The following MACROD2 variants were observed in gnomAD, a reference collection of about 807,000 sequenced individuals.
MACROD2 encodes ADP-ribose glycohydrolase MACROD2.
A neutral mutation model predicts 70.4 loss-of-function variants in MACROD2; 36 were observed. The ratio of observed to expected loss-of-function variants is 0.51; its 90% CI spans 0.39 to 0.68. The LOEUF (loss-of-function observed/expected upper bound fraction) is 0.68, where lower values mean the gene tolerates loss of function less well. Among genes scored for constraint, MACROD2 ranks in the 30% least tolerant of loss-of-function variants. The pLI, the probability that MACROD2 is intolerant of heterozygous loss-of-function variation, is 0.00. For missense variants in MACROD2, 496 were observed against 538.4 expected (o/e 0.92, Z 0.78); for synonymous variants, 172 against 178.8 (o/e 0.96, Z 0.30).
At chr20:14,486,922 A>T (rs7509425) in intron 3 of MACROD2, among the ~76,000 whole-genome samples, 4 of 152,182 alleles carry the variant, frequency 2.6e-5, no homozygotes, top group Admixed American at 2.6e-4. Flanking sequence ...TTACATAATT[A>T]TTTTTTAATT....
chr20:15,461,055 A>G (rs1020621187), intron 7 of MACROD2, among the ~76,000 whole-genome samples: 6 of 136,766 alleles, frequency 4.4e-5, no homozygotes, highest in Non-Finnish European at 9.2e-5. Flanking sequence ...GCTGGATTGC[A>G]GTGAGCTATG....
At chr20:15,032,166 G>T (rs1233092221) in intron 5 of MACROD2, among the ~76,000 whole-genome samples, 1 of 152,198 alleles carries the variant, frequency 6.6e-6, no homozygotes, top group Non-Finnish European at 1.5e-5. Flanking sequence ...GCGGGAGCAG[G>T]CACTTCTAGC....
intron 6 of MACROD2, among the ~76,000 whole-genome samples, chr20:15,357,177 C>T (rs1234725523): frequency 6.6e-6 from 1 of 152,126 alleles, no homozygotes; most frequent in Admixed American, 6.6e-5. Flanking sequence ...GAGACTTTGA[C>T]TTCTGTAACA....
At chr20:15,862,897 ATTG>A (rs754744508) in intron 9 of MACROD2, 71 bp downstream of exon 9, 11 of 1,132,282 alleles carry the variant, frequency 9.7e-6, no homozygotes, top group Non-Finnish European at 1.4e-5. Flanking sequence ...TTCTATTCCT[ATTG>A]TTTTTCATCT....
Position 15,799,429 on chromosome 20 carries a change from A to G in MACROD2, c.646-63316A>G, listed in dbSNP as rs182541884. ...CTAATATGTTTGTACCCATTAACCA[A>G]CCTCCCTTCATTCCTCCTCCCACCC... On this transcript the variant is annotated intron_variant, in intron 8 of 17. Coordinates refer to ENST00000684519, the MANE Select transcript of MACROD2 (RefSeq NM_001351661.2). Among the ~76,000 whole-genome samples, 750 of 152,058 alleles carry G rather than the reference A, an allele frequency of 4.9e-3. 4 individuals are homozygous for G. The highest frequency in any genetic ancestry group is 7.2e-3 in the Non-Finnish European group (491 of 67,978).
At chr20:15,602,789 A>T (rs897248871) in intron 8 of MACROD2, among the ~76,000 whole-genome samples, 1 of 152,214 alleles carries the variant, frequency 6.6e-6, no homozygotes, top group Non-Finnish European at 1.5e-5. Flanking sequence ...CATATGCATA[A>T]GATATTTCCT....
At chr20:15,500,598 CA>C (rs1451515715) in intron 8 of MACROD2, among the ~76,000 whole-genome samples, 1 of 152,150 alleles carries the variant, frequency 6.6e-6, no homozygotes, top group Non-Finnish European at 1.5e-5. Context: ...CTCAGTTATT[CA>C]CATAAGGGCT....
At chr20:15,960,749 A>G (rs1307857102) in intron 12 of MACROD2, among the ~76,000 whole-genome samples, 1 of 152,176 alleles carries the variant, frequency 6.6e-6, no homozygotes, top group Non-Finnish European at 1.5e-5. Flanking sequence ...AGAGCTGGGC[A>G]TTAATTCCTG....
At chr20:14,095,153 T>C (rs1441532596) in intron 3 of MACROD2, among the ~76,000 whole-genome samples, 1 of 152,178 alleles carries the variant, frequency 6.6e-6, no homozygotes, top group Non-Finnish European at 1.5e-5. Flanking sequence ...TCTGCTAGCA[T>C]AGCACATAAT....
At chr20:15,179,484 C>G (rs2076485296) in intron 5 of MACROD2, among the ~76,000 whole-genome samples, 1 of 152,136 alleles carries the variant, frequency 6.6e-6, no homozygotes, top group Non-Finnish European at 1.5e-5. Flanking sequence ...GCTAACACTC[C>G]CAGACATCAG....
intron 5 of MACROD2, among the ~76,000 whole-genome samples, chr20:15,031,962 C>T (rs2075278354): frequency 6.6e-6 from 1 of 152,208 alleles, no homozygotes; most frequent in Non-Finnish European, 1.5e-5. Flanking sequence ...CCGCACCGAG[C>T]TGACCGCCCC....
intron 4 of MACROD2, among the ~76,000 whole-genome samples, chr20:14,669,035 C>T (rs900458490): frequency 5.9e-5 from 9 of 152,106 alleles, no homozygotes; most frequent in Admixed American, 2.0e-4. Flanking sequence ...AATTGTATTG[C>T]TTGACAAAGT....
At chr20:15,513,234 G>A (rs6110641) in intron 8 of MACROD2, among the ~76,000 whole-genome samples, 8,166 of 152,272 alleles carry the variant, frequency 0.054, 287 homozygotes, top group Non-Finnish European at 0.081. Flanking sequence ...AGCAGCAAGC[G>A]AACCCCTAAA....
chr20:14,229,558 T>C (rs1407896124), intron 3 of MACROD2, among the ~76,000 whole-genome samples: 1 of 152,220 alleles, frequency 6.6e-6, no homozygotes, highest in Non-Finnish European at 1.5e-5. Context: ...CTGATAACAT[T>C]GAATGCTGAC....
At chr20:14,232,717 C>G (rs950178489) in intron 3 of MACROD2, among the ~76,000 whole-genome samples, 1 of 152,234 alleles carries the variant, frequency 6.6e-6, no homozygotes, top group Non-Finnish European at 1.5e-5. Context: ...CTCAAATTTT[C>G]TCCACATCAG....
chr20:14,937,173 G>A (rs2074347260), intron 5 of MACROD2, among the ~76,000 whole-genome samples: 1 of 152,058 alleles, frequency 6.6e-6, no homozygotes, highest in South Asian at 2.1e-4. Flanking sequence ...GTAGGACTCT[G>A]ACATGGAAAG....
At chr20:15,530,305 A>G (rs1179047023) in intron 8 of MACROD2, among the ~76,000 whole-genome samples, 1 of 152,200 alleles carries the variant, frequency 6.6e-6, no homozygotes, top group African/African-American at 2.4e-5. Context: ...ATTAATTCTT[A>G]TACTAAGGTA....
At chr20:14,687,374 G>T (rs762356669) in intron 5 of MACROD2, among the ~76,000 whole-genome samples, 1 of 152,144 alleles carries the variant, frequency 6.6e-6, no homozygotes, top group African/African-American at 2.4e-5. Flanking sequence ...AAATGTGCTT[G>T]TATCTGTTTG....
chr20:14,446,152 C>T (rs539290578), intron 3 of MACROD2, among the ~76,000 whole-genome samples: 1 of 152,188 alleles, frequency 6.6e-6, no homozygotes, highest in Non-Finnish European at 1.5e-5. Flanking sequence ...TATTGCCACA[C>T]TTTCTCTCTC....
Sources: gnomAD v4.1 joint callset for allele counts (sites outside exome capture counted in the v4.1 genomes callset) on GRCh38, gnomAD v4.1.1 for gene constraint, MANE v1.5 for transcripts, NCBI Gene and HGNC (gene_info 2026-07-23, HGNC 2026-07-21) for gene names.